The following PCDH15 variants were observed in gnomAD, a reference collection of about 807,000 sequenced individuals.
The protein encoded by PCDH15 is protocadherin related 15, also known as protocadherin-15.
A neutral mutation model predicts 178.5 loss-of-function variants in PCDH15; 129 were observed. That is an observed-to-expected ratio of 0.72 (90% confidence interval 0.63 to 0.84). The LOEUF is 0.84. Among genes scored for constraint, PCDH15 ranks in the 40% least tolerant of loss-of-function variants. The pLI, the probability that PCDH15 is intolerant of heterozygous loss-of-function variation, is 0.00. For synonymous variants in PCDH15, 800 were observed against 732.0 expected, an observed-to-expected ratio of 1.09 and a Z score of -1.50; for missense variants, 2,230 against 2,099.9, an observed-to-expected ratio of 1.06 and a Z score of -1.21.
intron 2 of PCDH15, among the ~76,000 whole-genome samples, chr10:54,976,956 A>G (rs1839087657): frequency 6.6e-6 from 1 of 152,148 alleles, no homozygotes; most frequent in Non-Finnish European, 1.5e-5. Flanking sequence ...GGCTGGAAGA[A>G]AGGTGGAGTT....
chr10:53,854,424 C>T (rs563326783), intron 28 of PCDH15, among the ~76,000 whole-genome samples: 1 of 152,046 alleles, frequency 6.6e-6, no homozygotes, highest in East Asian at 1.9e-4. Flanking sequence ...TTTTTAATCA[C>T]AACAAAAGGA....
At chr10:55,194,207 G>T (rs979212142) in intron 1 of PCDH15, among the ~76,000 whole-genome samples, 9 of 151,932 alleles carry the variant, frequency 5.9e-5, no homozygotes, top group Non-Finnish European at 1.3e-4. Context: ...GTGATTCATT[G>T]TCTTTCTTTC....
At chr10:55,190,547 A>G (rs186740509) in intron 1 of PCDH15, among the ~76,000 whole-genome samples, 175 of 151,848 alleles carry the variant, frequency 1.2e-3, no homozygotes, top group Non-Finnish European at 2.2e-3. Context: ...ACCAATTCCC[A>G]ATTACATTTA....
At chr10:54,030,967 C>T (rs7082950) in intron 18 of PCDH15, among the ~76,000 whole-genome samples, 65,894 of 151,810 alleles carry the variant, frequency 0.43, 15,143 homozygotes, top group Middle Eastern at 0.65. Flanking sequence ...GAGCAGGCTT[C>T]ATTGGAATAT....
intron 2 of PCDH15, among the ~76,000 whole-genome samples, chr10:54,972,261 T>C (rs1437592461): frequency 6.6e-6 from 1 of 152,148 alleles, no homozygotes; most frequent in East Asian, 1.9e-4. Context: ...AATACTTGGC[T>C]GGGCGTGGTG....
chr10:54,108,316 T>G (rs2094953820), intron 15 of PCDH15, among the ~76,000 whole-genome samples: 1 of 152,148 alleles, frequency 6.6e-6, no homozygotes, highest in Non-Finnish European at 1.5e-5. Flanking sequence ...AGAGGATCTG[T>G]GCACTTGAGA....
At chr10:55,085,053 G>A (rs118164342) in intron 2 of PCDH15, among the ~76,000 whole-genome samples, 4 of 151,880 alleles carry the variant, frequency 2.6e-5, no homozygotes, top group Admixed American at 6.6e-5. Context: ...TTTACCCTAT[G>A]ATCCAGATAT....
chr10:55,064,191 C>A (rs563966332), intron 2 of PCDH15, among the ~76,000 whole-genome samples: 1 of 152,198 alleles, frequency 6.6e-6, no homozygotes, highest in East Asian at 1.9e-4. Flanking sequence ...TTATTTTTGA[C>A]TCTTCTTAGG....
chr10:54,860,094 TGG>T (rs1184287360), intron 3 of PCDH15, among the ~76,000 whole-genome samples: 1 of 152,154 alleles, frequency 6.6e-6, no homozygotes, highest in Admixed American at 6.6e-5. Context: ...TGCATGTGTG[TGG>T]GGGTGTGTTT....
At chr10:54,490,413 G>A (rs1461762133) in intron 3 of PCDH15, among the ~76,000 whole-genome samples, 1 of 151,942 alleles carries the variant, frequency 6.6e-6, no homozygotes, top group African/African-American at 2.4e-5. Flanking sequence ...TCACGCCACT[G>A]CACTCCAGCC....
chr10:54,737,295 C>T (rs10825387), intron 1 of PCDH15, among the ~76,000 whole-genome samples: 130,222 of 152,080 alleles, frequency 0.86, 56,447 homozygotes, highest in Non-Finnish European at 0.93. Context: ...ATTGAGCATG[C>T]ATTTGTGGTA....
intron 2 of PCDH15, among the ~76,000 whole-genome samples, chr10:55,594,891 T>C (rs966229683): frequency 2.0e-5 from 3 of 152,024 alleles, no homozygotes; most frequent in African/African-American, 7.2e-5. Context: ...ATGGAGACTG[T>C]AACAAAATTA....
chr10:54,968,367 T>C (rs1186205780), intron 2 of PCDH15, among the ~76,000 whole-genome samples: 1 of 152,172 alleles, frequency 6.6e-6, no homozygotes, highest in African/African-American at 2.4e-5. Context: ...TATCCTTTTA[T>C]TACAATCTAT....
intron 18 of PCDH15, among the ~76,000 whole-genome samples, chr10:54,027,045 T>C (rs1235466251): frequency 1.8e-4 from 26 of 145,352 alleles, no homozygotes; most frequent in South Asian, 2.3e-4. Flanking sequence ...AAAACCCCAT[T>C]GTCTCAGCCC....
intron 26 of PCDH15, among the ~76,000 whole-genome samples, chr10:53,886,907 A>G (rs2081142420): frequency 1.3e-5 from 2 of 151,890 alleles, no homozygotes; most frequent in South Asian, 2.1e-4. Flanking sequence ...ACTTATTTTT[A>G]TTGCCCATTT....
intron 3 of PCDH15, among the ~76,000 whole-genome samples, chr10:54,458,195 A>C (rs927544194): frequency 6.6e-6 from 1 of 152,182 alleles, no homozygotes; most frequent in East Asian, 1.9e-4. Flanking sequence ...TAGAGTCTCT[A>C]TTTGTTTCTC....
intron 14 of PCDH15, among the ~76,000 whole-genome samples, chr10:54,140,634 A>G (rs1471020547): frequency 6.7e-6 from 1 of 150,062 alleles, no homozygotes; most frequent in East Asian, 2.0e-4. Flanking sequence ...TCACCTGGCT[A>G]ATTTTTTGTA....
chr10:54,732,420 C>T (rs555619441), intron 1 of PCDH15, among the ~76,000 whole-genome samples: 1 of 151,592 alleles, frequency 6.6e-6, no homozygotes, highest in South Asian at 2.1e-4. Context: ...AACAACTCTA[C>T]ATTTGCAAAT....
chr10:54,033,167 G>C (rs1296374905), intron 18 of PCDH15, among the ~76,000 whole-genome samples: 1 of 151,852 alleles, frequency 6.6e-6, no homozygotes, highest in Non-Finnish European at 1.5e-5. Context: ...TTTAAAGTAA[G>C]TACAATATAT....
Sources: allele counts gnomAD v4.1 joint callset (sites outside exome capture counted in the v4.1 genomes callset), GRCh38; gene constraint gnomAD v4.1.1; transcripts MANE v1.5; gene names NCBI Gene and HGNC (gene_info 2026-07-23, HGNC 2026-07-21).